GPHN: variants seen among roughly 807,000 people sequenced by gnomAD.
The protein encoded by GPHN is gephyrin.
In GPHN, 17 loss-of-function variants were observed where a neutral mutation model predicts 95.5. That is an observed-to-expected ratio of 0.18 (90% CI 0.12 to 0.27). GPHN has a LOEUF of 0.27. Among genes scored for constraint, GPHN ranks in the 10% least tolerant of loss-of-function variants. The probability of loss-of-function intolerance (pLI) is 1.00; values close to 1 mark genes in which losing one functional copy is unlikely to be tolerated. For missense variants in GPHN, 660 were observed against 978.1 expected (o/e 0.67, Z 4.34); for synonymous variants, 320 against 322.5 (o/e 0.99, Z 0.08).
At chr14:66,617,642 C>G (rs1483917736) in intron 1 of GPHN, among the ~76,000 whole-genome samples, 1 of 152,194 alleles carries the variant, frequency 6.6e-6, no homozygotes, top group African/African-American at 2.4e-5. Flanking sequence ...ATGGCTGTTT[C>G]TACTCTGCCA....
chr14:67,366,590 A>G, the GPHN span, among the ~76,000 whole-genome samples: 1 of 152,262 alleles, frequency 6.6e-6, no homozygotes, highest in Non-Finnish European at 1.5e-5. Context: ...ATGCAATTTT[A>G]TGCAGAATGA....
chr14:66,674,627 A>T (rs1018874776), intron 1 of GPHN, among the ~76,000 whole-genome samples: 2 of 152,188 alleles, frequency 1.3e-5, no homozygotes, highest in Non-Finnish European at 2.9e-5. Flanking sequence ...ATTGCTGTGT[A>T]TGAATGCATT....
chr14:67,668,332 A>C, the GPHN span, among the ~76,000 whole-genome samples: 2 of 152,222 alleles, frequency 1.3e-5, no homozygotes, highest in African/African-American at 2.4e-5. Flanking sequence ...ATAGGTATTT[A>C]ATGAAATATT....
intron 13 of GPHN, among the ~76,000 whole-genome samples, chr14:67,102,837 GACA>G (rs970213803): frequency 8.5e-5 from 13 of 152,284 alleles, no homozygotes; most frequent in African/African-American, 3.1e-4. Flanking sequence ...CAATGGTGTT[GACA>G]CTAGCTTCTT....
chr14:67,631,538 C>T, the GPHN span, among the ~76,000 whole-genome samples: 4 of 148,120 alleles, frequency 2.7e-5, no homozygotes, highest in African/African-American at 1.0e-4. Flanking sequence ...CAGGTTCAAA[C>T]GATCCTCCTA....
the GPHN span, among the ~76,000 whole-genome samples, chr14:67,315,606 C>T: frequency 6.6e-6 from 1 of 152,128 alleles, no homozygotes; most frequent in South Asian, 2.1e-4. Context: ...TAAAATTTTC[C>T]TTCTAGTAAT....
At chr14:66,862,715 G>T (rs2063076146) in intron 4 of GPHN, among the ~76,000 whole-genome samples, 1 of 151,928 alleles carries the variant, frequency 6.6e-6, no homozygotes, top group Non-Finnish European at 1.5e-5. Flanking sequence ...CAGAATGAAG[G>T]ACAAAAACTA....
the GPHN span, among the ~76,000 whole-genome samples, chr14:67,323,261 GTA>G: frequency 8.6e-4 from 107 of 124,190 alleles, no homozygotes; most frequent in Middle Eastern, 4.1e-3. Context: ...GTGTGTGTGT[GTA>G]TATATATATA....
chr14:66,684,124 C>T (rs1003930711), intron 2 of GPHN, among the ~76,000 whole-genome samples: 1 of 152,076 alleles, frequency 6.6e-6, no homozygotes, highest in South Asian at 2.1e-4. Flanking sequence ...TGAGTGAATG[C>T]TATGTATGTT....
At chr14:67,674,605 GC>G in the GPHN span, 1 of 785,060 alleles carries the variant, frequency 1.3e-6, no homozygotes, top group Non-Finnish European at 1.9e-6. Flanking sequence ...CACCACCGCC[GC>G]CCAGGACGAG....
At chr14:67,111,504 C>T (rs910661915) in intron 14 of GPHN, among the ~76,000 whole-genome samples, 3 of 152,022 alleles carry the variant, frequency 2.0e-5, no homozygotes, top group South Asian at 2.1e-4. Flanking sequence ...CCTCCACACA[C>T]GTTCACTTTA....
chr14:67,188,946 C>T, the GPHN span, among the ~76,000 whole-genome samples: 18 of 152,132 alleles, frequency 1.2e-4, no homozygotes, highest in Non-Finnish European at 1.5e-5. Context: ...CTGCCTTGCT[C>T]TTCCAAAGTG....
the GPHN span, among the ~76,000 whole-genome samples, chr14:67,325,622 C>T: frequency 1.3e-5 from 2 of 152,136 alleles, no homozygotes; most frequent in East Asian, 3.9e-4. Context: ...AGAACAGAAA[C>T]TCCATGGTTG....
At chr14:67,150,453 CAAAAAAAAAAAAA>C (rs1164806975) in intron 18 of GPHN, among the ~76,000 whole-genome samples, 1 of 98,058 alleles carries the variant, frequency 1.0e-5, no homozygotes, top group Non-Finnish European at 2.0e-5. Flanking sequence ...AAAAAAAAAA[CAAAAAAAAAAAAA>C]AAAAAAACAT....
At chr14:67,102,415 C>A (rs1204733941) in intron 13 of GPHN, among the ~76,000 whole-genome samples, 1 of 151,664 alleles carries the variant, frequency 6.6e-6, no homozygotes, top group East Asian at 2.0e-4. Flanking sequence ...AATCCCAGCA[C>A]TTTGGGAGGC....
At chr14:66,614,500 T>C (rs1361174408) in intron 1 of GPHN, among the ~76,000 whole-genome samples, 2 of 152,026 alleles carry the variant, frequency 1.3e-5, no homozygotes, top group African/African-American at 4.8e-5. Context: ...ATAGATTATA[T>C]ACTTTTTGCT....
At chr14:66,734,825 T>C (rs2072112812) in intron 2 of GPHN, among the ~76,000 whole-genome samples, 1 of 152,184 alleles carries the variant, frequency 6.6e-6, no homozygotes, top group African/African-American at 2.4e-5. Flanking sequence ...ATATTATAGC[T>C]GAAAATAGCT....
At chr14:66,803,169 C>G (rs1380229665) in intron 3 of GPHN, among the ~76,000 whole-genome samples, 2 of 152,140 alleles carry the variant, frequency 1.3e-5, no homozygotes, top group Non-Finnish European at 2.9e-5. Flanking sequence ...GGATGGTCAG[C>G]TGAGTTTTAT....
At chr14:67,091,384 CT>C (rs142046051) in intron 12 of GPHN, among the ~76,000 whole-genome samples, 10,094 of 148,506 alleles carry the variant, frequency 0.068, 359 homozygotes, top group Middle Eastern at 0.088. Context: ...CTTCTAGTTT[CT>C]TTTTTTTTTC....
Sources: gnomAD v4.1 joint callset for allele counts (sites outside exome capture counted in the v4.1 genomes callset) on GRCh38, gnomAD v4.1.1 for gene constraint, MANE v1.5 for transcripts, NCBI Gene and HGNC (gene_info 2026-07-23, HGNC 2026-07-21) for gene names.